MARCO: variants seen among roughly 807,000 people sequenced by gnomAD.
MARCO encodes the protein macrophage receptor MARCO.
A neutral mutation model predicts 70.0 loss-of-function variants in MARCO; 72 were observed. The ratio of observed to expected loss-of-function variants is 1.03; its 90% CI spans 0.85 to 1.25. The LOEUF (loss-of-function observed/expected upper bound fraction) is 1.25, where lower values mean the gene tolerates loss of function less well. MARCO is among the 50% of genes most tolerant of loss of function. The probability of loss-of-function intolerance (pLI) is 0.00; values close to 1 mark genes in which losing one functional copy is unlikely to be tolerated. For missense variants in MARCO, 696 were observed against 659.3 expected, an observed-to-expected ratio of 1.06 and a Z score of -0.61; for synonymous variants, 273 against 243.1, an observed-to-expected ratio of 1.12 and a Z score of -1.14.
chr2:118,960,629 A>G (rs1679925284), intron 1 of MARCO, among the ~76,000 whole-genome samples: 1 of 152,216 alleles, frequency 6.6e-6, no homozygotes, highest in Non-Finnish European at 1.5e-5. Flanking sequence ...ACATTGAACC[A>G]TCCTTGCATA....
chr2:118,951,409 G>A (rs576678218), intron 1 of MARCO, among the ~76,000 whole-genome samples: 2 of 152,332 alleles, frequency 1.3e-5, no homozygotes, highest in East Asian at 3.9e-4. Flanking sequence ...GAGTCAGTGA[G>A]CTACCTTTTA....
chr2:118,968,842 T>G (rs1680106935), intron 1 of MARCO, among the ~76,000 whole-genome samples: 1 of 152,184 alleles, frequency 6.6e-6, no homozygotes, highest in Admixed American at 6.5e-5. Context: ...AAACAGAGAT[T>G]GAGAACCCAA....
chr2:118,967,634 C>A (rs1432905035), intron 1 of MARCO, among the ~76,000 whole-genome samples: 1 of 152,146 alleles, frequency 6.6e-6, no homozygotes, highest in Non-Finnish European at 1.5e-5. Flanking sequence ...CAAAACCACT[C>A]CTCTCTGTGC....
intron 10 of MARCO, 89 bp from the exon 11 acceptor site, chr2:118,982,067 C>A: frequency 1.2e-6 from 1 of 849,462 alleles, no homozygotes; most frequent in South Asian, 1.6e-5. Context: ...AGGTACATGT[C>A]TCACTGCTGA....
At position 118,993,356 on chromosome 2, in the gene MARCO, C is replaced by G. The variant is rs1381423524; in HGVS notation, c.1429+56C>G. On this transcript the variant is annotated intron_variant, in intron 16 of 16. Transcript: ENST00000327097. ...CCCAGAGGTGTGGATGTGGCTTTCT[C>G]TCGCTGGTGGGGTGTTGGCAAGTGA... 4 of 1,557,082 alleles carry G rather than the reference C, an allele frequency of 2.6e-6. No homozygotes were observed. In the Admixed American group the frequency reaches 5.1e-5, roughly 20 times the overall value.
At chr2:118,945,336 G>A (rs185112888) in intron 1 of MARCO, among the ~76,000 whole-genome samples, 6 of 151,330 alleles carry the variant, frequency 4.0e-5, no homozygotes, top group Admixed American at 3.3e-4. Flanking sequence ...GAAGACTACT[G>A]TTACCACAGC....
chr2:118,951,110 T>G (rs559531805), intron 1 of MARCO, among the ~76,000 whole-genome samples: 3 of 152,322 alleles, frequency 2.0e-5, no homozygotes, highest in Non-Finnish European at 4.4e-5. Context: ...GACCAATTAT[T>G]AGGCAATTTT....
At chr2:118,952,647 G>A (rs1307308818) in intron 1 of MARCO, 4 of 152,192 alleles carry the variant, frequency 2.6e-5, no homozygotes, top group African/African-American at 7.2e-5. Context: ...TGCAGTATGT[G>A]AGGATCCTTT....
chr2:118,988,844 G>T (rs965126153), intron 12 of MARCO, among the ~76,000 whole-genome samples: 3 of 152,128 alleles, frequency 2.0e-5, no homozygotes, highest in Non-Finnish European at 4.4e-5. Context: ...TGCCTGAGGT[G>T]CTCCCCACCT....
In MARCO at chr2:118,954,680, G is replaced by A. The variant is rs181681343; in HGVS notation, c.97+12283G>A. On this transcript the variant is annotated intron_variant, in intron 1 of 16. Transcript: ENST00000327097. ...CAGAGTCCACTGCACCCTCTGCTGC[G>A]TCCGCTGGAACAGGTGCTGGTATCC... 6.4e-4 allele frequency among the ~76,000 whole-genome samples: 98 copies of A among 152,272 alleles called. 1 individual carries two copies. The highest frequency in any genetic ancestry group is 1.9e-3 in the Admixed American group (29 of 15,290).
intron 14 of MARCO, 91 bp from the exon 15 acceptor site, chr2:118,992,341 A>G: frequency 9.4e-7 from 1 of 1,065,076 alleles, no homozygotes; most frequent in Non-Finnish European, 1.5e-6. Context: ...ACCACTCCCA[A>G]CCCTCCACCC....
At chr2:118,980,339 A>G (rs1377788575) in intron 8 of MARCO, among the ~76,000 whole-genome samples, 3 of 152,184 alleles carry the variant, frequency 2.0e-5, no homozygotes, top group Admixed American at 6.5e-5. Context: ...TTCCTCAAGG[A>G]GCAGCCACCC....
chr2:118,943,680 G>C (rs1679545206), intron 1 of MARCO, among the ~76,000 whole-genome samples: 1 of 152,234 alleles, frequency 6.6e-6, no homozygotes, highest in African/African-American at 2.4e-5. Flanking sequence ...GTTAGAGAAA[G>C]AAGTTAGTGC....
At chr2:118,948,342 C>T (rs569085811) in intron 1 of MARCO, among the ~76,000 whole-genome samples, 1 of 152,234 alleles carries the variant, frequency 6.6e-6, no homozygotes, top group East Asian at 1.9e-4. Context: ...AACTGATACC[C>T]GATTTGCTAA....
At chr2:118,947,750 G>A (rs1177596368) in intron 1 of MARCO, among the ~76,000 whole-genome samples, 2 of 152,134 alleles carry the variant, frequency 1.3e-5, no homozygotes, top group South Asian at 2.1e-4. Flanking sequence ...TATATTGTAA[G>A]CGTTATTATC....
At position 118,977,951 on chromosome 2, in the gene MARCO, G is replaced by A. The variant is rs760436457; in HGVS notation, c.766+16G>A. ...GGTCTCCCAGGTGAGGGCCGTATTG[G>A]GGGTGTCGGTGCTTGCCAGGAGGCC... On this transcript the variant is annotated intron_variant, in intron 8 of 16. Coordinates refer to ENST00000327097, the MANE Select transcript of MARCO (RefSeq NM_006770.4). 1 of 1,561,364 alleles carries A rather than the reference G, an allele frequency of 6.4e-7. No individual in the cohort carries two copies. Among genetic ancestry groups the A allele is most frequent in the Non-Finnish European group, 8.7e-7 (1 of 1,143,938 alleles).
At chr2:118,993,458 G>A (rs1436892248) in intron 16 of MARCO, among the ~76,000 whole-genome samples, 158 bp downstream of exon 16, 1 of 152,188 alleles carries the variant, frequency 6.6e-6, no homozygotes, top group Non-Finnish European at 1.5e-5. Context: ...CTCCAGGTAT[G>A]CATCCTTCCA....
At chr2:118,979,846 ATTT>A (rs1446115851) in intron 8 of MARCO, among the ~76,000 whole-genome samples, 3 of 152,104 alleles carry the variant, frequency 2.0e-5, no homozygotes, top group Non-Finnish European at 2.9e-5. Context: ...TAGTGCTGAG[ATTT>A]TACCTATTCT....
At chr2:118,986,889 CCT>C (rs1331886437) in intron 12 of MARCO, among the ~76,000 whole-genome samples, 1 of 152,062 alleles carries the variant, frequency 6.6e-6, no homozygotes, top group Non-Finnish European at 1.5e-5. Flanking sequence ...TGAACTTACC[CCT>C]GACTAGCTGA....
Sources: gnomAD v4.1 joint callset for allele counts (sites outside exome capture counted in the v4.1 genomes callset) on GRCh38, gnomAD v4.1.1 for gene constraint, MANE v1.5 for transcripts, NCBI Gene and HGNC (gene_info 2026-07-23, HGNC 2026-07-21) for gene names.